NMNAT2: variants seen among roughly 807,000 people sequenced by gnomAD.
NMNAT2 encodes nicotinamide nucleotide adenylyltransferase 2, also known as nicotinamide/nicotinic acid mononucleotide adenylyltransferase 2.
A neutral mutation model predicts 41.6 loss-of-function variants in NMNAT2; 11 were observed. The observed-to-expected ratio is 0.26, with a 90% CI of 0.17 to 0.44. NMNAT2 has a LOEUF of 0.44. Among genes scored for constraint, NMNAT2 ranks in the 20% least tolerant of loss-of-function variants. NMNAT2 has a pLI of 1.00. For missense variants in NMNAT2, 288 were observed against 407.7 expected (o/e 0.71, Z 2.53); for synonymous variants, 148 against 151.2 (o/e 0.98, Z 0.16).
chr1:183,383,433 T>C (rs1663845664), intron 1 of NMNAT2, among the ~76,000 whole-genome samples: 1 of 152,234 alleles, frequency 6.6e-6, no homozygotes, highest in Non-Finnish European at 1.5e-5. Context: ...CTGGCTCGAA[T>C]TCCTCCCCCC....
chr1:183,261,824 C>T (rs1660665162), intron 8 of NMNAT2, among the ~76,000 whole-genome samples: 1 of 152,190 alleles, frequency 6.6e-6, no homozygotes, highest in East Asian at 1.9e-4. Context: ...TGGAATGCAT[C>T]ACTGGGCACC....
At position 183,252,761 on chromosome 1, in the gene NMNAT2, A is replaced by G; in HGVS notation, c.822-18T>C. On this transcript the variant is annotated intron_variant, in intron 10 of 10. Transcript: ENST00000287713. ...GGGCCAGCCTGCACAAGAAGAGATG[A>G]CAATCAGATGGACATCCACACCCAA... 2 of 1,585,896 alleles carry G rather than the reference A, an allele frequency of 1.3e-6. No individual in the cohort carries two copies. The highest frequency in any genetic ancestry group is 2.2e-5 in the East Asian group (1 of 44,722).
chr1:183,287,788 C>T (rs1661435131), intron 4 of NMNAT2, among the ~76,000 whole-genome samples: 1 of 152,258 alleles, frequency 6.6e-6, no homozygotes. Context: ...GATTTGGGTT[C>T]TGCTGCCAGG....
intron 1 of NMNAT2, among the ~76,000 whole-genome samples, chr1:183,339,894 A>G (rs1662757967): frequency 6.6e-6 from 1 of 151,860 alleles, no homozygotes; most frequent in African/African-American, 2.4e-5. Context: ...AATGCCTGGA[A>G]CCACAGGCAT....
intron 1 of NMNAT2, among the ~76,000 whole-genome samples, chr1:183,417,581 A>C (rs1649291034): frequency 1.3e-5 from 2 of 152,002 alleles, no homozygotes. Flanking sequence ...TTCACTCAGC[A>C]TCCACCTCGC....
In NMNAT2 at chr1:183,342,921, A is replaced by G. The variant is rs573114190; in HGVS notation, c.86-49128T>C. Among the ~76,000 whole-genome samples, 578 of 151,290 alleles carry G rather than the reference A, an allele frequency of 3.8e-3. 7 individuals are homozygous for G. The highest frequency in any genetic ancestry group is 0.013 in the African/African-American group (546 of 41,198). On this transcript the variant is annotated intron_variant, in intron 1 of 10. Transcript: ENST00000287713. ...GCTAATTATTATTATTATTATTATT[A>G]TTATTATTTTTGTAGAGATGGGGTC...
intron 1 of NMNAT2, chr1:183,304,614 A>C: frequency 3.4e-6 from 5 of 1,484,440 alleles, no homozygotes; most frequent in Non-Finnish European, 4.7e-6. Flanking sequence ...GACCATCTGC[A>C]CCTCCCTCCA....
intron 1 of NMNAT2, among the ~76,000 whole-genome samples, chr1:183,392,900 T>A (rs1236065298): frequency 2.0e-5 from 3 of 152,360 alleles, no homozygotes; most frequent in East Asian, 1.9e-4. Context: ...ATTTCTTTTT[T>A]AATTCCTGAT....
intron 1 of NMNAT2, among the ~76,000 whole-genome samples, chr1:183,382,617 A>C (rs750673192): frequency 2.0e-5 from 3 of 152,218 alleles, no homozygotes; most frequent in Non-Finnish European, 4.4e-5. Context: ...GGGTAAATAC[A>C]TCCATTCCAA....
rs573290858 is a variant in NMNAT2 at position 183,317,496 on chromosome 1, T to C, written c.86-23703A>G. 2.6e-5 allele frequency among the ~76,000 whole-genome samples: 4 copies of C among 152,304 alleles called. No homozygotes were observed. In the East Asian group the frequency reaches 5.8e-4, roughly 22 times the overall value. On this transcript the variant is annotated intron_variant, in intron 1 of 10. Coordinates refer to ENST00000287713, the MANE Select transcript of NMNAT2 (RefSeq NM_015039.4). The stretch of plus-strand genomic sequence containing the variant: ...CATGTTGCCCAGGCTGGTCTGGAAC[T>C]GCTGGGCTCCAGCTATCCTCCTGCC...
rs528770333 is a variant in NMNAT2, at chr1:183,297,434, G to C, written c.86-3641C>G. 3.3e-5 allele frequency among the ~76,000 whole-genome samples: 5 copies of C among 150,910 alleles called. No homozygotes were observed. The East Asian group carries it at 9.7e-4, about 29-fold the overall frequency. On this transcript the variant is annotated intron_variant, in intron 1 of 10. Transcript: ENST00000287713. ...TTTCGCTCTTGTTGCCCAGGCTGGA[G>C]TGCAACGGCGTGATCTCGGCTCAGC... is the stretch of plus-strand genomic sequence containing the variant.
intron 1 of NMNAT2, among the ~76,000 whole-genome samples, chr1:183,339,981 G>A (rs199728902): frequency 1.3e-5 from 2 of 152,218 alleles, no homozygotes; most frequent in East Asian, 3.9e-4. Flanking sequence ...GGGAATGTCG[G>A]TTGCCGTAGG....
At chr1:183,383,280 C>T (rs1663842582) in intron 1 of NMNAT2, among the ~76,000 whole-genome samples, 1 of 152,218 alleles carries the variant, frequency 6.6e-6, no homozygotes, top group Non-Finnish European at 1.5e-5. Context: ...GGGCCCAGCC[C>T]ACGAAACCAT....
In NMNAT2 at chr1:183,250,201, C is replaced by T. The variant is rs985803126; in HGVS notation, c.*2440G>A. On this transcript the variant is annotated 3_prime_UTR_variant, in exon 11 of 11. Transcript: ENST00000287713. ...CTGGCTTATGACTGTTCTGCCTGGA[C>T]AAGGCTGTTCCATCTTTCGCTCTCC... is the stretch of plus-strand genomic sequence containing the variant. 1 of 152,184 alleles carries T rather than the reference C, an allele frequency of 6.6e-6. No homozygotes were observed. Among genetic ancestry groups the T allele is most frequent in the African/African-American group, 2.4e-5 (1 of 41,416 alleles). 9.4% of individuals were successfully genotyped at this position (152,184 alleles called of 1,614,324 possible).
At chr1:183,254,516 G>A (rs2102273074) in intron 10 of NMNAT2, among the ~76,000 whole-genome samples, 1 of 152,090 alleles carries the variant, frequency 6.6e-6, no homozygotes, top group Non-Finnish European at 1.5e-5. Flanking sequence ...TGGCTCACTG[G>A]AGCCTCAAAC....
intron 1 of NMNAT2, among the ~76,000 whole-genome samples, chr1:183,362,125 G>A (rs1316211722): frequency 6.6e-6 from 1 of 152,054 alleles, no homozygotes; most frequent in East Asian, 1.9e-4. Flanking sequence ...TTTTTGTCAA[G>A]ACGGGATTTC....
chr1:183,409,869 C>T (rs1649066614), intron 1 of NMNAT2, among the ~76,000 whole-genome samples: 1 of 152,136 alleles, frequency 6.6e-6, no homozygotes, highest in African/African-American at 2.4e-5. Context: ...AAATCTAGAT[C>T]CTAGGCAAGA....
chr1:183,369,806 C>T (rs566353122), intron 1 of NMNAT2, among the ~76,000 whole-genome samples: 4 of 152,162 alleles, frequency 2.6e-5, no homozygotes, highest in Non-Finnish European at 2.9e-5. Context: ...TCCTGGTCCC[C>T]GGCAACCACC....
chr1:183,252,832 T>C, intron 10 of NMNAT2, 89 bp from the exon 11 acceptor site: 1 of 908,810 alleles, frequency 1.1e-6, no homozygotes, highest in Admixed American at 1.9e-5. Context: ...CAGCACCCCA[T>C]TTGTAGCCTT....
Sources: allele counts gnomAD v4.1 joint callset (sites outside exome capture counted in the v4.1 genomes callset), GRCh38; gene constraint gnomAD v4.1.1; transcripts MANE v1.5; gene names NCBI Gene and HGNC (gene_info 2026-07-23, HGNC 2026-07-21).